ABCA1: variants seen among roughly 807,000 people sequenced by gnomAD.
ABCA1 encodes phospholipid-transporting ATPase ABCA1.
In ABCA1, 133 loss-of-function variants were observed where a neutral mutation model predicts 262.5. That is an observed-to-expected ratio of 0.51 (90% CI 0.44 to 0.59). The LOEUF is 0.59. Among genes scored for constraint, ABCA1 ranks in the 20% least tolerant of loss-of-function variants. The pLI is 0.00. For missense variants in ABCA1, 2,452 were observed against 2,777.5 expected, an observed-to-expected ratio of 0.88 and a Z score of 2.63; for synonymous variants, 1,022 against 1,043.5, an observed-to-expected ratio of 0.98 and a Z score of 0.40.
In ABCA1 at chr9:104,884,467, C is replaced by T; in HGVS notation, c.262G>A (p.Gly88Arg). The T allele has an allele frequency of 6.2e-7, 1 of 1,614,214 alleles. No homozygotes were observed. ...TTTCCAACAACTCCGGGAGCCTCCC[C>T]AGGAGTCGGGTAACGGAAACAGGGG... ...NNPCFRYPTP[G>R]EAPGVVGNFN... The change falls in exon 4 of 50, where the codon GGG becomes AGG. Residue 88 changes from glycine (G) to arginine (R), a missense_variant. Transcript: ENST00000374736.
At chr9:104,828,777 T>C in intron 15 of ABCA1, 139 bp downstream of exon 15, 1 of 986,632 alleles carries the variant, frequency 1.0e-6, no homozygotes, top group Non-Finnish European at 1.5e-6. Flanking sequence ...CAACTATAAA[T>C]GGATGAAATT....
chr9:104,871,107 C>T lies in ABCA1; in HGVS notation c.422-9307G>A, dbSNP rs115290264. ...GCTTAGAGGCCTGACAATGAGGACCCCTATAAAAGGGCTTGAGGGAGAGGC... is the reference window on the plus strand; with the variant it reads ...GCTTAGAGGCCTGACAATGAGGACCTCTATAAAAGGGCTTGAGGGAGAGGC... On this transcript the variant is annotated intron_variant, in intron 5 of 49. Transcript: ENST00000374736. Among the ~76,000 whole-genome samples, 248 of 152,252 alleles carry T rather than the reference C, an allele frequency of 1.6e-3. 1 individual carries two copies. Among genetic ancestry groups the T allele is most frequent in the African/African-American group, 5.6e-3 (232 of 41,546 alleles).
intron 5 of ABCA1, among the ~76,000 whole-genome samples, chr9:104,867,563 T>C (rs558052314): frequency 6.6e-6 from 1 of 152,370 alleles, no homozygotes; most frequent in Admixed American, 6.5e-5. Context: ...GTGTGTATTA[T>C]AATACATATT....
Position 104,819,636 on chromosome 9 carries a change from T to C in ABCA1, c.3191A>G (p.Asp1064Gly). The C allele has an allele frequency of 1.9e-6, 3 of 1,614,124 alleles. No individual in the cohort carries two copies. The highest frequency in any genetic ancestry group is 2.5e-6 in the Non-Finnish European group (3 of 1,180,022). The stretch of plus-strand genomic sequence containing the variant: ...CCATATTCCCCTGCGGGAGTAAGGG[T>C]CCACACCAGCTGTGGGTTCATCCAG... Reference protein sequence around the residue: ...VILDEPTAGVDPYSRRGIWEL... With the variant: ...VILDEPTAGVGPYSRRGIWEL... The change falls in exon 22 of 50, where the codon GAC becomes GGC. Residue 1064 changes from aspartate to glycine, a missense_variant. This residue lies in a region of ABCA1 where 665 missense variants were observed against 727.3 expected (regional missense o/e 0.91). Transcript: ENST00000374736.
At chr9:104,809,391 G>A (rs1481057643) in intron 30 of ABCA1, 75 bp downstream of exon 30, 1 of 1,358,940 alleles carries the variant, frequency 7.4e-7, no homozygotes, top group East Asian at 2.3e-5. Flanking sequence ...GCATGCAGTT[G>A]ATAAATGCAG....
chr9:104,821,425 G>A lies in ABCA1; in HGVS notation c.2910C>T (p.Thr970=), dbSNP rs142992384. The stretch of plus-strand genomic sequence containing the variant: ...GACAGACCCCCAGGTTCTGCCGGAT[G>A]GTGCTCATCTCAGAGCGAATGTCTT... ...LGKDIRSEMS[T]IRQNLGVCPQ... Residue 970 remains threonine, a synonymous_variant, in exon 20 of 50, where the codon ACC becomes ACT. Coordinates refer to ENST00000374736, the MANE Select transcript of ABCA1 (RefSeq NM_005502.4). 1.4e-4 allele frequency: 221 copies of A among 1,614,024 alleles called. No homozygotes were observed. Among genetic ancestry groups the A allele is most frequent in the Non-Finnish European group, 1.8e-4 (211 of 1,180,036 alleles).
In ABCA1 at chr9:104,861,767, T is replaced by G; in HGVS notation, c.455A>C (p.Glu152Ala). ...LKLQDFLVDN[E>A]TFSGFLYHNL... ...GTGATACAGGAACCCAGAGAAGGTT[T>G]CATTGTCCACCAGGAAATCTTGAAG... Residue 152 changes from glutamate to alanine, a missense_variant, in exon 6 of 50, where the codon GAA becomes GCA. Physicochemically the swap from Glu to Ala is moderately radical, Grantham distance 107. Coordinates refer to ENST00000374736, the MANE Select transcript of ABCA1 (RefSeq NM_005502.4). 2 of 1,613,768 alleles carry G rather than the reference T, an allele frequency of 1.2e-6. No homozygotes were observed. The highest frequency in any genetic ancestry group is 8.5e-7 in the Non-Finnish European group (1 of 1,179,808).
intron 2 of ABCA1, among the ~76,000 whole-genome samples, chr9:104,890,104 A>G (rs1296772068): frequency 6.6e-6 from 1 of 152,062 alleles, no homozygotes; most frequent in Non-Finnish European, 1.5e-5. Context: ...GAAGTCTATC[A>G]CCTCTCCCAT....
intron 4 of ABCA1, 133 bp from the exon 5 acceptor site, chr9:104,883,290 C>G (rs2119173164): frequency 1.3e-6 from 1 of 754,030 alleles, no homozygotes; most frequent in Non-Finnish European, 2.4e-6. Context: ...CTAACCCACT[C>G]CCATGGCTCC....
intron 11 of ABCA1, among the ~76,000 whole-genome samples, chr9:104,836,431 T>C (rs1161304205): frequency 6.6e-6 from 1 of 152,214 alleles, no homozygotes; most frequent in Non-Finnish European, 1.5e-5. Context: ...AGACATTCTG[T>C]TCTTGCTCAG....
In ABCA1 at chr9:104,788,528, G is replaced by T. The variant is rs746160562; in HGVS notation, c.5967C>A (p.Gly1989=). The part of the protein sequence containing the change: ...SNIHEVHQNM[G]YCPQFDAITE... ...TGATGGCATCAAACTGAGGGCAGTA[G>T]CCCATGTTCTGATGTACTTCATGGA... Residue 1989 remains glycine (G), a synonymous_variant, in exon 45 of 50, where the codon GGC becomes GGA. Coordinates refer to ENST00000374736, the MANE Select transcript of ABCA1 (RefSeq NM_005502.4). 4 of 1,614,176 alleles carry T rather than the reference G, an allele frequency of 2.5e-6. No homozygotes were observed. The South Asian group carries it at 4.4e-5, about 18-fold the overall frequency.
intron 7 of ABCA1, among the ~76,000 whole-genome samples, chr9:104,852,472 G>C (rs1029763859): frequency 2.6e-5 from 4 of 152,134 alleles, no homozygotes; most frequent in African/African-American, 9.7e-5. Flanking sequence ...TCTAAACATA[G>C]TTAAATACAT....
intron 2 of ABCA1, among the ~76,000 whole-genome samples, chr9:104,899,412 G>T (rs1297034357): frequency 6.6e-6 from 1 of 152,114 alleles, no homozygotes; most frequent in Non-Finnish European, 1.5e-5. Context: ...GTGGTACTCT[G>T]GCTGGGTGCA....
chr9:104,885,942 G>A (rs1839132349), intron 3 of ABCA1, among the ~76,000 whole-genome samples: 1 of 152,206 alleles, frequency 6.6e-6, no homozygotes, highest in Admixed American at 6.5e-5. Context: ...AGTCCCTGCA[G>A]CTTGCTAAGC....
rs1833348743 is a variant in ABCA1 at position 104,831,762 on chromosome 9, C to T, written c.1575G>A (p.Glu525=). 1.9e-6 allele frequency: 3 copies of T among 1,614,226 alleles called. No individual in the cohort carries two copies. Among genetic ancestry groups the T allele is most frequent in the South Asian group, 1.1e-5 (1 of 91,088 alleles). ...CCCAGAACTTCCTCTCATCCAGCAGCTCCATGGACTTGTTGATGAGCCAGA... is the reference window on the plus strand; with the variant it reads ...CCCAGAACTTCCTCTCATCCAGCAGTTCCATGGACTTGTTGATGAGCCAGA... The part of the protein sequence containing the change: ...TEVWLINKSM[E]LLDERKFWAG... The change falls in exon 13 of 50, where the codon GAG becomes GAA. Residue 525 remains glutamate (E), a synonymous_variant. Coordinates refer to ENST00000374736, the MANE Select transcript of ABCA1 (RefSeq NM_005502.4).
At chr9:104,912,156 A>G (rs990395642) in intron 1 of ABCA1, among the ~76,000 whole-genome samples, 1 of 152,264 alleles carries the variant, frequency 6.6e-6, no homozygotes, top group Admixed American at 6.5e-5. Context: ...GTAAAAACTG[A>G]AACAAGAAAT....
intron 15 of ABCA1, among the ~76,000 whole-genome samples, chr9:104,828,575 G>A (rs1292354381): frequency 6.6e-6 from 1 of 152,208 alleles, no homozygotes; most frequent in Non-Finnish European, 1.5e-5. Context: ...AGGAAGAATC[G>A]CCACCCAATA....
At chr9:104,823,381 A>C (rs1165852743) in intron 18 of ABCA1, among the ~76,000 whole-genome samples, 2 of 152,218 alleles carry the variant, frequency 1.3e-5, no homozygotes, top group Non-Finnish European at 2.9e-5. Flanking sequence ...AGGTTTGTGA[A>C]TTGTACCTAT....
intron 2 of ABCA1, among the ~76,000 whole-genome samples, chr9:104,903,244 CCA>C (rs923816870): frequency 6.6e-6 from 1 of 152,132 alleles, no homozygotes; most frequent in Non-Finnish European, 1.5e-5. Context: ...CTCACTTCAC[CCA>C]CAGCTTCCAG....
Sources: gnomAD v4.1 joint callset for allele counts (sites outside exome capture counted in the v4.1 genomes callset) on GRCh38, gnomAD v4.1.1 for gene constraint, gnomAD v4.1.1 regional missense constraint, MANE v1.5 for transcripts, NCBI Gene and HGNC (gene_info 2026-07-23, HGNC 2026-07-21) for gene names.